The following BUB1B variants were observed in gnomAD, a reference collection of about 807,000 sequenced individuals.
BUB1B encodes the protein BUB1 mitotic checkpoint serine/threonine kinase B, also known as mitotic checkpoint serine/threonine-protein kinase BUB1 beta.
A neutral mutation model predicts 137.7 loss-of-function variants in BUB1B; 86 were observed. The observed-to-expected ratio is 0.62, with a 90% CI of 0.52 to 0.75. The LOEUF (loss-of-function observed/expected upper bound fraction) is 0.75. Ranked by LOEUF, BUB1B falls within the 30% of genes least tolerant of loss-of-function variation. The pLI, the probability that BUB1B is intolerant of heterozygous loss-of-function variation, is 0.00. For missense variants in BUB1B, 1,130 were observed against 1,236.9 expected, an observed-to-expected ratio of 0.91 and a Z score of 1.30; for synonymous variants, 420 against 417.9, an observed-to-expected ratio of 1.00 and a Z score of -0.06.
intron 14 of BUB1B, among the ~76,000 whole-genome samples, chr15:40,204,568 A>G (rs937359406): frequency 2.0e-5 from 3 of 151,780 alleles, no homozygotes; most frequent in Non-Finnish European, 2.9e-5. Context: ...TTTGCATAAA[A>G]TGTATAGATT....
intron 15 of BUB1B, among the ~76,000 whole-genome samples, chr15:40,207,274 A>C (rs2140904689): frequency 1.3e-5 from 2 of 152,250 alleles, no homozygotes; most frequent in Admixed American, 1.3e-4. Context: ...CAGTTTTAGG[A>C]ATTCTTTGTA....
chr15:40,184,706 A>G (rs1893319622), intron 6 of BUB1B, among the ~76,000 whole-genome samples: 1 of 152,202 alleles, frequency 6.6e-6, no homozygotes, highest in Non-Finnish European at 1.5e-5. Flanking sequence ...CATCCAGATC[A>G]TGATGAAGCT....
chr15:40,180,802 A>G (rs1401678343), intron 5 of BUB1B, among the ~76,000 whole-genome samples: 3 of 150,974 alleles, frequency 2.0e-5, no homozygotes, highest in Middle Eastern at 3.5e-3. Context: ...GGTGCCTGCC[A>G]CCACGGCTGG....
rs777922307 is a variant in BUB1B at position 40,170,094 on chromosome 15, G to A, written c.212G>A (p.Gly71Glu). 5.6e-6 allele frequency: 9 copies of A among 1,613,774 alleles called. No individual in the cohort carries two copies. In the East Asian group the frequency reaches 2.0e-4, roughly 36 times the overall value. ...GAATATGAAATTCGATTTTACACTGGAAATGACCCTCTGGATGTTTGGGAT... is the reference window on the plus strand; with the variant it reads ...GAATATGAAATTCGATTTTACACTGAAAATGACCCTCTGGATGTTTGGGAT... ...AFEYEIRFYT[G>E]NDPLDVWDRY... The change falls in exon 3 of 23, where the codon GGA (glycine) becomes GAA (glutamate). Residue 71 changes from glycine (G) to glutamate (E), a missense_variant. By Grantham distance (98) the Gly-to-Glu change is moderately conservative. Coordinates refer to ENST00000287598, the MANE Select transcript of BUB1B (RefSeq NM_001211.6).
intron 4 of BUB1B, among the ~76,000 whole-genome samples, chr15:40,174,926 T>C (rs1005922261): frequency 1.3e-5 from 2 of 152,142 alleles, no homozygotes; most frequent in African/African-American, 4.8e-5. Flanking sequence ...ATCGCGCCGC[T>C]GCACTCCAGC....
intron 14 of BUB1B, among the ~76,000 whole-genome samples, chr15:40,204,548 A>G (rs907226855): frequency 6.6e-6 from 1 of 151,824 alleles, no homozygotes; most frequent in African/African-American, 2.4e-5. Context: ...TAATATGGCC[A>G]TAAGTAGTAT....
chr15:40,163,853 A>G (rs2037065355), intron 1 of BUB1B, among the ~76,000 whole-genome samples: 1 of 152,196 alleles, frequency 6.6e-6, no homozygotes, highest in Non-Finnish European at 1.5e-5. Context: ...TTAAAGTCAT[A>G]GTTTCCAAGA....
At chr15:40,163,343 G>T (rs937391419) in intron 1 of BUB1B, among the ~76,000 whole-genome samples, 4 of 152,214 alleles carry the variant, frequency 2.6e-5, no homozygotes, top group African/African-American at 9.7e-5. Flanking sequence ...GGAGGCTGAG[G>T]CAACAGGATT....
chr15:40,196,879 A>G (rs2037505577), intron 9 of BUB1B, 105 bp downstream of exon 9: 3 of 1,034,152 alleles, frequency 2.9e-6, no homozygotes, highest in Admixed American at 4.0e-5. Flanking sequence ...GTACCTTTGT[A>G]TGATGTTTCT....
rs1050859257 is a variant in BUB1B at position 40,197,732 on chromosome 15, G to A, written c.1288+958G>A. Among the ~76,000 whole-genome samples, 4 of 152,178 alleles carry A rather than the reference G, an allele frequency of 2.6e-5. No individual in the cohort carries two copies. The East Asian group carries it at 7.7e-4, about 29-fold the overall frequency. ...CAAACTTTGGTAAAGCAGACTGTTA[G>A]TAAGTTTGAAATTGCCTTCATTTGT... is the stretch of plus-strand genomic sequence containing the variant. On this transcript the variant is annotated intron_variant, in intron 9 of 22. Transcript: ENST00000287598.
At chr15:40,216,109 G>T (rs1007294960) in intron 20 of BUB1B, among the ~76,000 whole-genome samples, 1 of 151,874 alleles carries the variant, frequency 6.6e-6, no homozygotes, top group Non-Finnish European at 1.5e-5. Context: ...TAATCTATGA[G>T]ACATTTTTTC....
chr15:40,213,462 T>G lies in BUB1B; in HGVS notation c.2666T>G (p.Ile889Ser). Reference protein sequence around the residue: ...VHGDLSPRCLILRNRIHDPYD... With the variant: ...VHGDLSPRCLSLRNRIHDPYD... The stretch of plus-strand genomic sequence containing the variant: ...GGTGACTTGAGTCCAAGGTGTCTGA[T>G]TCTCAGAAACAGGTTGGTCCTTTTC... The change falls in exon 20 of 23, where the codon ATT becomes AGT. Residue 889 changes from isoleucine (I) to serine (S), a missense_variant. By Grantham distance (142) the Ile-to-Ser change is moderately radical. Coordinates refer to ENST00000287598, the MANE Select transcript of BUB1B (RefSeq NM_001211.6). 1.9e-6 allele frequency: 3 copies of G among 1,614,170 alleles called. No homozygotes were observed. Among genetic ancestry groups the G allele is most frequent in the Non-Finnish European group, 2.5e-6 (3 of 1,180,026 alleles).
At chr15:40,199,588 T>TA (rs2037538784) in intron 9 of BUB1B, 27 bp from the exon 10 acceptor site, 1 of 1,588,568 alleles carries the variant, frequency 6.3e-7, no homozygotes, top group Admixed American at 1.7e-5. Flanking sequence ...TGAGGAATAA[T>TA]ACCTCAAGCA....
chr15:40,202,569 T>C lies in BUB1B; in HGVS notation c.1629-20T>C, dbSNP rs769532055. On this transcript the variant is annotated intron_variant, in intron 13 of 22. Transcript: ENST00000287598. Reference sequence around the variant, plus strand: ...TACTGTTATGAAAAAAATTGCTAAGTGAGGTATGTCTTTTTCCAGTCCTCC... The same window carrying C: ...TACTGTTATGAAAAAAATTGCTAAGCGAGGTATGTCTTTTTCCAGTCCTCC... The C allele has an allele frequency of 1.2e-6, 2 of 1,610,216 alleles. No homozygotes were observed. The highest frequency in any genetic ancestry group is 2.2e-5 in the South Asian group (2 of 91,008).
At chr15:40,166,508 T>A (rs2037100322) in intron 2 of BUB1B, 1 of 294,266 alleles carries the variant, frequency 3.4e-6, no homozygotes. Context: ...CCCAGCTAAT[T>A]TTTTCTATTT....
chr15:40,180,990 C>A (rs1337464206), intron 5 of BUB1B, among the ~76,000 whole-genome samples: 3 of 151,862 alleles, frequency 2.0e-5, no homozygotes, highest in African/African-American at 4.8e-5. Context: ...TTTAGTAGTT[C>A]CTGACCTATA....
chr15:40,207,725 G>A (rs896741896), intron 15 of BUB1B, among the ~76,000 whole-genome samples: 1 of 151,804 alleles, frequency 6.6e-6, no homozygotes, highest in Non-Finnish European at 1.5e-5. Flanking sequence ...TCTGATTTGG[G>A]GAAATAATGG....
chr15:40,165,045 C>T lies in BUB1B; in HGVS notation c.36-8C>T, dbSNP rs780399190. 24 of 1,614,100 alleles carry T rather than the reference C, an allele frequency of 1.5e-5. No individual in the cohort carries two copies. Among genetic ancestry groups the T allele is most frequent in the Non-Finnish European group, 2.0e-5 (24 of 1,180,022 alleles). ...GTATGAGATTTACATTTGTTTCCTT[C>T]TTCACAGTGAAGCCATGTCCCTGGA... On this transcript the variant is annotated splice_region_variant and splice_polypyrimidine_tract_variant and intron_variant, in intron 1 of 22. Transcript: ENST00000287598.
At chr15:40,209,504 T>A (rs2037682237) in intron 16 of BUB1B, 131 bp from the exon 17 acceptor site, 1 of 1,034,358 alleles carries the variant, frequency 9.7e-7, no homozygotes, top group Non-Finnish European at 1.5e-6. Context: ...CTGAGACAGG[T>A]GAGTGTAGTT....
Sources: allele counts gnomAD v4.1 joint callset (sites outside exome capture counted in the v4.1 genomes callset), GRCh38; gene constraint gnomAD v4.1.1; transcripts MANE v1.5; gene names NCBI Gene and HGNC (gene_info 2026-07-23, HGNC 2026-07-21).